KANSL1L: variants seen among roughly 807,000 people sequenced by gnomAD.
KANSL1L encodes KAT8 regulatory NSL complex subunit 1-like protein.
Under a neutral mutation model 108.6 loss-of-function variants are expected in KANSL1L, and 25 were observed. The ratio of observed to expected loss-of-function variants is 0.23; its 90% CI spans 0.17 to 0.32. The LOEUF (loss-of-function observed/expected upper bound fraction) is 0.32, where lower values mean the gene tolerates loss of function less well. KANSL1L is among the 10% of genes least tolerant of loss of function. KANSL1L has a pLI of 1.00. For missense variants in KANSL1L, 1,137 were observed against 1,125.7 expected, an observed-to-expected ratio of 1.01 and a Z score of -0.14; for synonymous variants, 405 against 395.1, an observed-to-expected ratio of 1.03 and a Z score of -0.30.
chr2:210,076,656 A>C (rs565700049), intron 5 of KANSL1L, among the ~76,000 whole-genome samples: 8 of 151,718 alleles, frequency 5.3e-5, no homozygotes, highest in Non-Finnish European at 8.8e-5. Flanking sequence ...AAAGAGCATA[A>C]TTTTATATTT....
intron 5 of KANSL1L, among the ~76,000 whole-genome samples, chr2:210,095,072 C>T (rs1193495578): frequency 2.0e-5 from 3 of 152,032 alleles, no homozygotes; most frequent in African/African-American, 7.2e-5. Flanking sequence ...ACAAGTGCAT[C>T]CACACATATC....
At chr2:210,112,708 T>A (rs936106410) in intron 3 of KANSL1L, among the ~76,000 whole-genome samples, 1 of 152,174 alleles carries the variant, frequency 6.6e-6, no homozygotes, top group Non-Finnish European at 1.5e-5. Context: ...AGTGATCAGA[T>A]CAGGGTAATT....
intron 5 of KANSL1L, among the ~76,000 whole-genome samples, chr2:210,091,414 T>G (rs867910679): frequency 6.6e-6 from 1 of 152,184 alleles, no homozygotes; most frequent in Non-Finnish European, 1.5e-5. Flanking sequence ...AAGATACATA[T>G]GCATAAGTAC....
chr2:210,101,565 G>C (rs541277109), intron 4 of KANSL1L, among the ~76,000 whole-genome samples: 1 of 152,080 alleles, frequency 6.6e-6, no homozygotes, highest in Non-Finnish European at 1.5e-5. Flanking sequence ...GGATCAAACC[G>C]AACAAGGGTT....
At chr2:210,110,005 T>C (rs1392262582) in intron 3 of KANSL1L, among the ~76,000 whole-genome samples, 1 of 152,184 alleles carries the variant, frequency 6.6e-6, no homozygotes. Context: ...AGCTTGTAAT[T>C]TCTTTGGTAG....
rs150172264 is a variant in KANSL1L, at chr2:210,036,671, G to C, written c.2029+3749C>G. On this transcript the variant is annotated intron_variant, in intron 8 of 14. Coordinates refer to ENST00000281772, the MANE Select transcript of KANSL1L (RefSeq NM_152519.4). ...ACAGCAAAAGAAAAATTAATGACCA[G>C]CTATTTAAGACAGATATATAGGATG... Among the ~76,000 whole-genome samples the C allele has an allele frequency of 3.6e-3, 544 of 152,264 alleles. 6 individuals are homozygous for C. Among genetic ancestry groups the C allele is most frequent in the African/African-American group, 0.012 (513 of 41,540 alleles).
intron 8 of KANSL1L, among the ~76,000 whole-genome samples, chr2:210,037,815 G>C (rs943509379): frequency 6.6e-6 from 1 of 152,080 alleles, no homozygotes; most frequent in Non-Finnish European, 1.5e-5. Context: ...ATTACAAGTA[G>C]CAAAATTAAC....
intron 6 of KANSL1L, among the ~76,000 whole-genome samples, chr2:210,048,923 C>T (rs1426417354): frequency 6.6e-6 from 1 of 152,144 alleles, no homozygotes; most frequent in Non-Finnish European, 1.5e-5. Flanking sequence ...ACTTGAGTAG[C>T]ATGATTTCAA....
intron 3 of KANSL1L, among the ~76,000 whole-genome samples, chr2:210,128,683 C>G (rs886868770): frequency 2.0e-5 from 3 of 151,984 alleles, no homozygotes; most frequent in African/African-American, 7.2e-5. Context: ...GACAGATGCA[C>G]AACATTACAA....
At chr2:210,027,804 A>G (rs548284620) in intron 11 of KANSL1L, among the ~76,000 whole-genome samples, 1 of 152,224 alleles carries the variant, frequency 6.6e-6, no homozygotes, top group African/African-American at 2.4e-5. Context: ...AGCTAGCTCC[A>G]GCCTACCATT....
Position 210,075,767 on chromosome 2 carries a change from A to G in KANSL1L, c.1551-11T>C, listed in dbSNP as rs200771085. 1.5e-4 allele frequency: 240 copies of G among 1,601,222 alleles called. 2 individuals carry two copies. In the South Asian group the frequency reaches 2.5e-3, roughly 17 times the overall value. On this transcript the variant is annotated splice_polypyrimidine_tract_variant and intron_variant, in intron 5 of 14. Transcript: ENST00000281772. ...AAATTCTCTGATGCACTGAAATGCC[A>G]TGAAATAATTAGGGCGTGGGAAGGG... is the stretch of plus-strand genomic sequence containing the variant.
intron 1 of KANSL1L, among the ~76,000 whole-genome samples, chr2:210,156,938 T>C (rs916464433): frequency 6.6e-6 from 1 of 151,142 alleles, no homozygotes; most frequent in South Asian, 2.1e-4. Context: ...TATACACTTT[T>C]ATATAATGCC....
At chr2:210,057,880 C>T (rs942975075) in intron 6 of KANSL1L, among the ~76,000 whole-genome samples, 5 of 152,152 alleles carry the variant, frequency 3.3e-5, no homozygotes, top group South Asian at 2.1e-4. Context: ...CCGTCATCTT[C>T]GTAAGCTGAG....
At chr2:210,150,729 C>A (rs1169681532) in intron 2 of KANSL1L, among the ~76,000 whole-genome samples, 1 of 150,976 alleles carries the variant, frequency 6.6e-6, no homozygotes, top group Non-Finnish European at 1.5e-5. Context: ...TTGCAGTGAG[C>A]CGAGATCGTG....
At chr2:210,026,810 G>T (rs2093943520) in intron 12 of KANSL1L, among the ~76,000 whole-genome samples, 1 of 151,734 alleles carries the variant, frequency 6.6e-6, no homozygotes, top group African/African-American at 2.4e-5. Flanking sequence ...TTGCTCTGTT[G>T]CCCAGGCTGG....
At chr2:210,108,560 T>A (rs890524584) in intron 3 of KANSL1L, among the ~76,000 whole-genome samples, 1 of 152,204 alleles carries the variant, frequency 6.6e-6, no homozygotes, top group African/African-American at 2.4e-5. Context: ...GCAAACCCAC[T>A]TTCTTTGAAA....
intron 2 of KANSL1L, among the ~76,000 whole-genome samples, chr2:210,142,581 C>CT (rs1469556336): frequency 6.6e-6 from 1 of 152,104 alleles, no homozygotes; most frequent in East Asian, 1.9e-4. Context: ...TTTGAGATGA[C>CT]TTTTTCAATG....
At chr2:210,109,133 G>C (rs959862828) in intron 3 of KANSL1L, among the ~76,000 whole-genome samples, 1 of 151,892 alleles carries the variant, frequency 6.6e-6, no homozygotes, top group African/African-American at 2.4e-5. Flanking sequence ...TGACCCATAA[G>C]TATTCTCTCT....
At chr2:210,124,527 T>C (rs1239309507) in intron 3 of KANSL1L, among the ~76,000 whole-genome samples, 1 of 151,816 alleles carries the variant, frequency 6.6e-6, no homozygotes, top group Non-Finnish European at 1.5e-5. Flanking sequence ...TAGTTATAAA[T>C]GCTTGACATT....
Sources: gnomAD v4.1 joint callset for allele counts (sites outside exome capture counted in the v4.1 genomes callset) on GRCh38, gnomAD v4.1.1 for gene constraint, MANE v1.5 for transcripts, NCBI Gene and HGNC (gene_info 2026-07-23, HGNC 2026-07-21) for gene names.